Variants in MGAT4C observed in about 807,000 individuals in gnomAD.
The protein encoded by MGAT4C is alpha-1,3-mannosyl-glycoprotein 4-beta-N-acetylglucosaminyltransferase C.
In MGAT4C, 19 loss-of-function variants were observed where a neutral mutation model predicts 40.1. That is an observed-to-expected ratio of 0.47 (90% CI 0.33 to 0.70). MGAT4C has a LOEUF of 0.70. MGAT4C is among the 30% of genes least tolerant of loss of function. The pLI is 0.02. For synonymous variants in MGAT4C, 181 were observed against 187.1 expected (o/e 0.97, Z 0.27); for missense variants, 491 against 563.2 (o/e 0.87, Z 1.30).
intron 3 of MGAT4C, among the ~76,000 whole-genome samples, chr12:86,418,601 T>C (rs568581711): frequency 6.6e-6 from 1 of 150,770 alleles, no homozygotes; most frequent in Non-Finnish European, 1.5e-5. Context: ...AATAAATAAA[T>C]AAATAAATAA....
At chr12:86,508,450 G>C (rs1326564176) in intron 2 of MGAT4C, among the ~76,000 whole-genome samples, 1 of 152,052 alleles carries the variant, frequency 6.6e-6, no homozygotes, top group Non-Finnish European at 1.5e-5. Context: ...TCTTAATCCA[G>C]TCTATCATTG....
intron 2 of MGAT4C, among the ~76,000 whole-genome samples, chr12:85,991,741 C>T (rs923542202): frequency 2.0e-5 from 3 of 152,142 alleles, no homozygotes; most frequent in Non-Finnish European, 4.4e-5. Context: ...CCTCAAATCC[C>T]AGCTCTTAGA....
chr12:86,783,478 T>C (rs932904679), intron 1 of MGAT4C, among the ~76,000 whole-genome samples: 1 of 151,130 alleles, frequency 6.6e-6, no homozygotes, highest in African/African-American at 2.4e-5. Flanking sequence ...TTCAAGAAAA[T>C]GACCACAATT....
chr12:86,604,675 A>T (rs1961981359), intron 2 of MGAT4C, among the ~76,000 whole-genome samples: 1 of 152,190 alleles, frequency 6.6e-6, no homozygotes, highest in Admixed American at 6.6e-5. Context: ...AGTGTTCAAT[A>T]CTGACAGTTG....
intron 2 of MGAT4C, among the ~76,000 whole-genome samples, chr12:86,707,573 C>A (rs543183695): frequency 2.4e-4 from 36 of 150,408 alleles, no homozygotes; most frequent in Admixed American, 5.3e-4. Context: ...CTCTGTCACA[C>A]ATGCTGAAGT....
At position 86,513,930 on chromosome 12, in the gene MGAT4C, G is replaced by A. The variant is rs142681849; in HGVS notation, c.-228-78665C>T. 3.3e-5 allele frequency among the ~76,000 whole-genome samples: 5 copies of A among 152,066 alleles called. No individual in the cohort carries two copies. In the East Asian group the frequency reaches 9.7e-4, roughly 29 times the overall value. On this transcript the variant is annotated intron_variant, in intron 2 of 7. Coordinates refer to the MGAT4C transcript ENST00000548651. ...TGAAAATCAGCAGCCTAGCAGTTAC[G>A]AAAGGGGGCATAAAGGATTTGAAGC...
At chr12:86,770,309 T>C (rs1951607963) in intron 1 of MGAT4C, among the ~76,000 whole-genome samples, 1 of 152,056 alleles carries the variant, frequency 6.6e-6, no homozygotes, top group Non-Finnish European at 1.5e-5. Context: ...TTTAAACTGT[T>C]TGAAAATATA....
intron 2 of MGAT4C, among the ~76,000 whole-genome samples, chr12:86,637,743 C>T (rs1457861358): frequency 6.6e-6 from 1 of 151,768 alleles, no homozygotes; most frequent in Non-Finnish European, 1.5e-5. Flanking sequence ...CATATTAACT[C>T]AGAACCTCTT....
At chr12:86,081,105 A>G (rs942286778) in intron 1 of MGAT4C, among the ~76,000 whole-genome samples, 13 of 152,176 alleles carry the variant, frequency 8.5e-5, no homozygotes, top group Non-Finnish European at 1.3e-4. Flanking sequence ...GCATTTTAAC[A>G]TAGTTTTAGC....
intron 1 of MGAT4C, among the ~76,000 whole-genome samples, chr12:86,218,109 T>G (rs1014837258): frequency 6.6e-6 from 1 of 152,088 alleles, no homozygotes; most frequent in African/African-American, 2.4e-5. Flanking sequence ...TTTCTTTACC[T>G]TTTAGGTCAT....
At chr12:86,317,692 G>T (rs1042225034) in intron 4 of MGAT4C, among the ~76,000 whole-genome samples, 2 of 151,754 alleles carry the variant, frequency 1.3e-5, no homozygotes, top group African/African-American at 4.8e-5. Context: ...GGAGTATGAG[G>T]CAACTTTGGC....
At chr12:86,007,375 T>C (rs1193278247) in intron 2 of MGAT4C, among the ~76,000 whole-genome samples, 1 of 152,094 alleles carries the variant, frequency 6.6e-6, no homozygotes, top group Non-Finnish European at 1.5e-5. Context: ...ATAATTTATA[T>C]GTGATGAAAT....
chr12:86,000,924 T>C (rs150989285), intron 2 of MGAT4C, among the ~76,000 whole-genome samples: 204 of 152,314 alleles, frequency 1.3e-3, no homozygotes, highest in Non-Finnish European at 2.2e-3. Context: ...TGTGGTTTCA[T>C]ATTTCTAGTA....
intron 1 of MGAT4C, among the ~76,000 whole-genome samples, chr12:86,074,337 TATAGATAG>T (rs3991314): frequency 0.034 from 5,072 of 149,102 alleles, 196 homozygotes; most frequent in African/African-American, 0.095. Flanking sequence ...TTAATAAACA[TATAGATAG>T]ATAGATAGAT....
At chr12:86,148,092 A>G (rs1883791822) in intron 1 of MGAT4C, among the ~76,000 whole-genome samples, 1 of 152,210 alleles carries the variant, frequency 6.6e-6, no homozygotes, top group African/African-American at 2.4e-5. Context: ...AAGAACTACT[A>G]ATTTTGAAAA....
At chr12:86,051,421 T>G (rs1386472562) in intron 1 of MGAT4C, among the ~76,000 whole-genome samples, 1 of 151,908 alleles carries the variant, frequency 6.6e-6, no homozygotes, top group Non-Finnish European at 1.5e-5. Flanking sequence ...GACTTTAGAA[T>G]CCCATTAGTG....
chr12:86,005,998 A>C (rs1887835645), intron 2 of MGAT4C, among the ~76,000 whole-genome samples: 1 of 152,134 alleles, frequency 6.6e-6, no homozygotes, highest in Admixed American at 6.6e-5. Context: ...TACAACTTCC[A>C]ATTTTCTCTC....
At chr12:86,203,642 T>C (rs1950134027) in intron 1 of MGAT4C, among the ~76,000 whole-genome samples, 1 of 152,188 alleles carries the variant, frequency 6.6e-6, no homozygotes, top group Non-Finnish European at 1.5e-5. Flanking sequence ...GTATGTATTT[T>C]CCTTCTTTCA....
At chr12:86,532,220 CTAT>C (rs1210856930) in intron 2 of MGAT4C, among the ~76,000 whole-genome samples, 1 of 151,846 alleles carries the variant, frequency 6.6e-6, no homozygotes, top group African/African-American at 2.4e-5. Flanking sequence ...ATTGATTGTA[CTAT>C]TATTAGACAA....
Sources: gnomAD v4.1 joint callset for allele counts (sites outside exome capture counted in the v4.1 genomes callset) on GRCh38, gnomAD v4.1.1 for gene constraint, MANE v1.5 for transcripts, NCBI Gene and HGNC (gene_info 2026-07-23, HGNC 2026-07-21) for gene names.